Variants in ASAP1 observed in about 807,000 individuals in gnomAD.
The protein encoded by ASAP1 is arf-GAP with SH3 domain, ANK repeat and PH domain-containing protein 1.
A neutral mutation model predicts 145.2 loss-of-function variants in ASAP1; 43 were observed. The observed-to-expected ratio is 0.30, with a 90% confidence interval of 0.23 to 0.38. ASAP1 has a LOEUF of 0.38. ASAP1 is among the 10% of genes least tolerant of loss of function. The probability of loss-of-function intolerance (pLI) is 1.00; values close to 1 mark genes in which losing one functional copy is unlikely to be tolerated. For synonymous variants in ASAP1, 546 were observed against 515.5 expected (o/e 1.06, Z -0.80); for missense variants, 1,018 against 1,355.3 (o/e 0.75, Z 3.91).
intron 3 of ASAP1, among the ~76,000 whole-genome samples, chr8:130,314,928 G>C (rs1823578290): frequency 6.6e-6 from 1 of 152,188 alleles, no homozygotes; most frequent in Non-Finnish European, 1.5e-5. Flanking sequence ...GAGAGAAAAA[G>C]TGGGTTCCAA....
intron 3 of ASAP1, among the ~76,000 whole-genome samples, chr8:130,275,137 C>CA (rs1341314062): frequency 1.3e-5 from 2 of 152,218 alleles, no homozygotes; most frequent in African/African-American, 2.4e-5. Context: ...GAAATGAGAG[C>CA]ATATACAAAG....
chr8:130,149,856 A>G (rs945777194), intron 13 of ASAP1, among the ~76,000 whole-genome samples: 4 of 152,198 alleles, frequency 2.6e-5, no homozygotes, highest in African/African-American at 9.6e-5. Flanking sequence ...TGGCAGCAAA[A>G]AAGGTCTGGG....
chr8:130,355,917 T>C (rs993043647), intron 3 of ASAP1, among the ~76,000 whole-genome samples: 3 of 152,202 alleles, frequency 2.0e-5, no homozygotes, highest in African/African-American at 7.2e-5. Flanking sequence ...TGTAAAATTA[T>C]TGTGCCATCC....
rs545348111 is a variant in ASAP1 at position 130,381,406 on chromosome 8, TA to T, written c.59+20478del. ...CAACATGGATTGAAAGAAAAATTAT[TA>T]ATGAGACAGAGTTTTTCATACAAAG... On this transcript the variant is annotated intron_variant, in intron 2 of 29. Coordinates refer to ENST00000518721, the MANE Select transcript of ASAP1 (RefSeq NM_018482.4). Among the ~76,000 whole-genome samples the T allele has an allele frequency of 3.1e-3, 468 of 152,214 alleles. 1 individual carries two copies. Among genetic ancestry groups the T allele is most frequent in the Non-Finnish European group, 5.1e-3 (349 of 67,998 alleles).
At chr8:130,330,738 C>G (rs1824634074) in intron 3 of ASAP1, among the ~76,000 whole-genome samples, 1 of 152,154 alleles carries the variant, frequency 6.6e-6, no homozygotes, top group African/African-American at 2.4e-5. Context: ...GGGAAAGGGA[C>G]AGAAGACAGG....
intron 2 of ASAP1, among the ~76,000 whole-genome samples, chr8:130,390,933 T>TACC (rs1554902141): frequency 2.3e-5 from 3 of 133,224 alleles, no homozygotes; most frequent in Admixed American, 7.6e-5. Context: ...TGGGTATATA[T>TACC]CCCCCGCCCC....
chr8:130,318,298 T>C (rs1173828385), intron 3 of ASAP1, among the ~76,000 whole-genome samples: 1 of 152,102 alleles, frequency 6.6e-6, no homozygotes. Context: ...CCCAGGCTGG[T>C]TTCAAATTCC....
At chr8:130,175,032 T>G (rs867257092) in intron 9 of ASAP1, among the ~76,000 whole-genome samples, 38 of 152,348 alleles carry the variant, frequency 2.5e-4, no homozygotes, top group Middle Eastern at 6.8e-3. Flanking sequence ...TCCAAAGAAG[T>G]TGCACCATTT....
intron 27 of ASAP1, among the ~76,000 whole-genome samples, chr8:130,070,345 CTCTTT>C (rs2097440376): frequency 6.6e-6 from 1 of 152,174 alleles, no homozygotes; most frequent in South Asian, 2.1e-4. Flanking sequence ...CCGACTGCAT[CTCTTT>C]TATTTGATTG....
intron 5 of ASAP1, among the ~76,000 whole-genome samples, chr8:130,194,658 C>T (rs1429681450): frequency 1.3e-5 from 2 of 152,056 alleles, no homozygotes; most frequent in African/African-American, 4.8e-5. Context: ...ACTCTTCCAC[C>T]TCAGATCACC....
rs1196584279 is a variant in ASAP1, at chr8:130,300,153, C to CACAGAGAGAGAGAGAG, written c.186+57863_186+57864insCTCTCTCTCTCTCTGT. 1.3e-3 allele frequency among the ~76,000 whole-genome samples: 98 copies of CACAGAGAGAGAGAGAG among 76,910 alleles called. 3 individuals are homozygous for CACAGAGAGAGAGAGAG. The highest frequency in any genetic ancestry group is 4.3e-3 in the African/African-American group (80 of 18,490). The allele number at this position is 76,910 out of a possible 152,430, so 50.5% of individuals were successfully genotyped here. A position where few individuals can be genotyped will look rare whatever the true frequency, so the allele number is the denominator to read the frequency against. On this transcript the variant is annotated intron_variant, in intron 3 of 29. Coordinates refer to ENST00000518721, the MANE Select transcript of ASAP1 (RefSeq NM_018482.4). ...ACACACACACACACACACACACACA[C>CACAGAGAGAGAGAGAG]AGAGAGAGAGAGAGAGAGAGAGAGA... is the stretch of plus-strand genomic sequence containing the variant.
At chr8:130,256,663 T>A (rs1410686990) in intron 3 of ASAP1, among the ~76,000 whole-genome samples, 1 of 149,314 alleles carries the variant, frequency 6.7e-6, no homozygotes, top group East Asian at 2.0e-4. Context: ...TTTTAGAACA[T>A]ATTTAAAGAA....
intron 15 of ASAP1, among the ~76,000 whole-genome samples, chr8:130,133,635 C>T (rs955222051): frequency 2.6e-5 from 4 of 151,724 alleles, no homozygotes; most frequent in Admixed American, 2.0e-4. Context: ...CGCAGTCCGG[C>T]CTGGGCGACA....
intron 13 of ASAP1, among the ~76,000 whole-genome samples, chr8:130,152,258 A>G (rs1202716135): frequency 6.6e-6 from 1 of 152,196 alleles, no homozygotes; most frequent in Non-Finnish European, 1.5e-5. Flanking sequence ...TGCCATTTCC[A>G]TTCCTGCTTG....
At chr8:130,295,918 T>A (rs186027524) in intron 3 of ASAP1, among the ~76,000 whole-genome samples, 223 of 152,296 alleles carry the variant, frequency 1.5e-3, no homozygotes, top group Non-Finnish European at 2.6e-3. Flanking sequence ...AACAAAAAAA[T>A]TTATGATATC....
intron 16 of ASAP1, 148 bp downstream of exon 16, chr8:130,127,779 T>C (rs2097577261): frequency 1.1e-6 from 1 of 916,494 alleles, no homozygotes; most frequent in South Asian, 2.0e-5. Context: ...AGCTCAGCGG[T>C]AGGAAAAATC....
At chr8:130,325,680 T>C (rs1249350745) in intron 3 of ASAP1, among the ~76,000 whole-genome samples, 1 of 152,192 alleles carries the variant, frequency 6.6e-6, no homozygotes, top group East Asian at 1.9e-4. Context: ...CAGAATGAAG[T>C]GTTATAACTG....
At position 130,078,447 on chromosome 8, in the gene ASAP1, C is replaced by T. The variant is rs115540783; in HGVS notation, c.2642+1455G>A. On this transcript the variant is annotated intron_variant, in intron 26 of 29. Transcript: ENST00000518721. ...ATAGCCAGGTATGTACCACCATACC[C>T]GGCTGATTTTTTTTATTTTTAGGAA... Among the ~76,000 whole-genome samples, 201 of 151,958 alleles carry T rather than the reference C, an allele frequency of 1.3e-3. 1 individual carries two copies. Among genetic ancestry groups the T allele is most frequent in the African/African-American group, 3.8e-3 (157 of 41,440 alleles).
At chr8:130,143,224 C>T (rs1305703341) in intron 13 of ASAP1, among the ~76,000 whole-genome samples, 1 of 152,204 alleles carries the variant, frequency 6.6e-6, no homozygotes, top group Non-Finnish European at 1.5e-5. Flanking sequence ...TCTGTTCCTT[C>T]AAACTCTGAG....
Sources: allele counts gnomAD v4.1 joint callset (sites outside exome capture counted in the v4.1 genomes callset), GRCh38; gene constraint gnomAD v4.1.1; transcripts MANE v1.5; gene names NCBI Gene and HGNC (gene_info 2026-07-23, HGNC 2026-07-21).